Variants in DLGAP1 observed in about 807,000 individuals in gnomAD.
DLGAP1 encodes disks large-associated protein 1.
DLGAP1 carries 11 observed loss-of-function variants against 90.8 expected under a neutral mutation model. The ratio of observed to expected loss-of-function variants is 0.12; its 90% CI spans 0.08 to 0.20. The LOEUF (loss-of-function observed/expected upper bound fraction) is 0.20. DLGAP1 is among the 10% of genes least tolerant of loss of function. The pLI is 1.00. For missense variants in DLGAP1, 1,050 were observed against 1,333.8 expected, an observed-to-expected ratio of 0.79 and a Z score of 3.31; for synonymous variants, 558 against 540.7, an observed-to-expected ratio of 1.03 and a Z score of -0.44.
chr18:3,573,716 A>T (rs2054944151), intron 8 of DLGAP1, among the ~76,000 whole-genome samples: 1 of 148,424 alleles, frequency 6.7e-6, no homozygotes, highest in East Asian at 2.0e-4. Context: ...TTATTTATTT[A>T]TTTTTTAGAC....
intron 2 of DLGAP1, among the ~76,000 whole-genome samples, chr18:4,135,118 C>T (rs748964278): frequency 4.6e-5 from 7 of 152,084 alleles, no homozygotes; most frequent in East Asian, 1.9e-4. Context: ...TAAAATATTA[C>T]GGTTAATGTG....
chr18:4,220,875 C>T (rs1372938059), intron 1 of DLGAP1, among the ~76,000 whole-genome samples: 2 of 152,278 alleles, frequency 1.3e-5, no homozygotes, highest in African/African-American at 2.4e-5. Flanking sequence ...CAGTGGACCA[C>T]ATATGTGACA....
chr18:3,800,208 T>G (rs986233856), intron 5 of DLGAP1, among the ~76,000 whole-genome samples: 4 of 152,242 alleles, frequency 2.6e-5, no homozygotes, highest in African/African-American at 9.6e-5. Context: ...CTTTAAGTGA[T>G]TAAGTGCTTT....
chr18:4,053,525 T>G (rs561097363), intron 2 of DLGAP1, among the ~76,000 whole-genome samples: 9 of 152,220 alleles, frequency 5.9e-5, no homozygotes, highest in Non-Finnish European at 1.3e-4. Flanking sequence ...AGTATCACTA[T>G]ATGAAACTCA....
chr18:3,920,344 ACT>A (rs1445328444), intron 3 of DLGAP1, among the ~76,000 whole-genome samples: 1 of 109,776 alleles, frequency 9.1e-6, no homozygotes, highest in African/African-American at 3.5e-5. Context: ...ACTGAGGGAG[ACT>A]CTGTCCAAAA....
At chr18:4,358,342 T>C (rs1432934906) in intron 1 of DLGAP1, among the ~76,000 whole-genome samples, 4 of 151,900 alleles carry the variant, frequency 2.6e-5, no homozygotes, top group Admixed American at 6.6e-5. Flanking sequence ...TGAGCACAAA[T>C]GTGAATAATG....
chr18:3,670,816 C>T (rs116976607), intron 7 of DLGAP1, among the ~76,000 whole-genome samples: 2,566 of 152,272 alleles, frequency 0.017, 35 homozygotes, highest in Middle Eastern at 0.054. Flanking sequence ...CTTTGGTTGG[C>T]AAATCATCTA....
intron 4 of DLGAP1, among the ~76,000 whole-genome samples, chr18:3,852,786 TGA>T (rs1025103758): frequency 4.4e-4 from 67 of 152,304 alleles, no homozygotes; most frequent in African/African-American, 1.6e-3. Flanking sequence ...CTTTAAGCAC[TGA>T]GAGTTATGTG....
At chr18:3,940,700 T>A (rs915980671) in intron 3 of DLGAP1, among the ~76,000 whole-genome samples, 9 of 152,232 alleles carry the variant, frequency 5.9e-5, no homozygotes, top group Non-Finnish European at 8.8e-5. Flanking sequence ...CGTAGAAGCA[T>A]CCTTAAACAG....
At chr18:4,396,244 T>C (rs962407775) in intron 1 of DLGAP1, among the ~76,000 whole-genome samples, 1 of 152,144 alleles carries the variant, frequency 6.6e-6, no homozygotes, top group Non-Finnish European at 1.5e-5. Flanking sequence ...ATCCAAAGGA[T>C]GTTCAACAAA....
At chr18:4,355,573 A>T (rs1168917996) in intron 1 of DLGAP1, among the ~76,000 whole-genome samples, 1 of 152,098 alleles carries the variant, frequency 6.6e-6, no homozygotes, top group Non-Finnish European at 1.5e-5. Context: ...TGGAACACAC[A>T]CTGTCTCACA....
intron 1 of DLGAP1, among the ~76,000 whole-genome samples, chr18:4,396,991 T>G (rs1212595839): frequency 6.6e-6 from 1 of 152,056 alleles, no homozygotes; most frequent in Admixed American, 6.5e-5. Context: ...AGCCAAAAGG[T>G]AACAACATGG....
At chr18:3,869,379 T>C (rs980654092) in intron 4 of DLGAP1, among the ~76,000 whole-genome samples, 37 of 152,072 alleles carry the variant, frequency 2.4e-4, no homozygotes, top group African/African-American at 8.9e-4. Context: ...CTAGGCAACA[T>C]AGCGAAACCC....
chr18:4,108,474 G>A (rs886869073), intron 2 of DLGAP1, among the ~76,000 whole-genome samples: 6 of 151,742 alleles, frequency 4.0e-5, no homozygotes, highest in African/African-American at 9.7e-5. Context: ...AGGGGTCTCA[G>A]CCATGAACCT....
At position 3,539,679 on chromosome 18, in the gene DLGAP1, T is replaced by C. The variant is rs1019848015; in HGVS notation, c.2058-5064A>G. Among the ~76,000 whole-genome samples, 3 of 152,240 alleles carry C rather than the reference T, an allele frequency of 2.0e-5. 1 individual carries two copies. In the East Asian group the frequency reaches 5.8e-4, roughly 29 times the overall value. On this transcript the variant is annotated intron_variant, in intron 9 of 12. Coordinates refer to ENST00000315677, the MANE Select transcript of DLGAP1 (RefSeq NM_004746.4). ...ATATGGGTAAACTGAAGAGGTTCCA[T>C]TCTTGTCCCCCTGTCTGATAGAGTT...
intron 2 of DLGAP1, among the ~76,000 whole-genome samples, chr18:4,113,291 T>G (rs2076005514): frequency 6.6e-6 from 1 of 152,200 alleles, no homozygotes; most frequent in South Asian, 2.1e-4. Flanking sequence ...GACTTTTTAG[T>G]AATAATCATT....
In DLGAP1 at chr18:3,726,902, G is replaced by A. The variant is rs74530565; in HGVS notation, c.1591+2233C>T. Among the ~76,000 whole-genome samples, 1,090 of 152,228 alleles carry A rather than the reference G, an allele frequency of 7.2e-3. 12 individuals carry two copies. Among genetic ancestry groups the A allele is most frequent in the Admixed American group, 0.025 (382 of 15,294 alleles). On this transcript the variant is annotated intron_variant, in intron 7 of 12. Coordinates refer to ENST00000315677, the MANE Select transcript of DLGAP1 (RefSeq NM_004746.4). ...ATAGAGTCCAAGAAGGAGCAAATGC[G>A]ATCCCCTCTGTGCAGGTTGATTCCC...
At chr18:4,405,817 C>A (rs2082650743) in intron 1 of DLGAP1, among the ~76,000 whole-genome samples, 1 of 152,166 alleles carries the variant, frequency 6.6e-6, no homozygotes, top group African/African-American at 2.4e-5. Flanking sequence ...AATAGACTTG[C>A]TACCGGGGGA....
chr18:3,817,716 G>A (rs1464332118), intron 4 of DLGAP1, among the ~76,000 whole-genome samples: 1 of 152,176 alleles, frequency 6.6e-6, no homozygotes, highest in Non-Finnish European at 1.5e-5. Flanking sequence ...AGCATACCAG[G>A]CCCAAAGAGT....
Sources: gnomAD v4.1 joint callset for allele counts (sites outside exome capture counted in the v4.1 genomes callset) on GRCh38, gnomAD v4.1.1 for gene constraint, MANE v1.5 for transcripts, NCBI Gene and HGNC (gene_info 2026-07-23, HGNC 2026-07-21) for gene names.